Variants in STK40 observed in about 807,000 individuals in gnomAD.
STK40 encodes the protein serine/threonine kinase 40, also known as serine/threonine-protein kinase 40.
In STK40, 13 loss-of-function variants were observed where a neutral mutation model predicts 47.9. That is an observed-to-expected ratio of 0.27 (90% CI 0.18 to 0.43). The LOEUF (loss-of-function observed/expected upper bound fraction) is 0.43, where lower values mean the gene tolerates loss of function less well. Among genes scored for constraint, STK40 ranks in the 20% least tolerant of loss-of-function variants. The probability of loss-of-function intolerance (pLI) is 1.00; values close to 1 mark genes in which losing one functional copy is unlikely to be tolerated. For synonymous variants in STK40, 225 were observed against 243.2 expected (o/e 0.93, Z 0.69); for missense variants, 460 against 595.1 (o/e 0.77, Z 2.36).
At position 36,339,814 on chromosome 1, in the gene STK40, CA is replaced by C. The variant is rs1224776501; in HGVS notation, c.*1940del. On this transcript the variant is annotated 3_prime_UTR_variant, in exon 11 of 11. Coordinates refer to ENST00000373132, the MANE Select transcript of STK40 (RefSeq NM_001282547.2). ...TTGCTTCACCAGGAATGTCATCAGA[CA>C]CATGGCTTGACCTTGGAAGGGCCCA... 1 of 152,730 alleles carries C rather than the reference CA, an allele frequency of 6.5e-6. No individual in the cohort carries two copies. The highest frequency in any genetic ancestry group is 2.4e-5 in the African/African-American group (1 of 41,472). The allele number at this position is 152,730 out of a possible 1,614,324, so 9.5% of individuals were successfully genotyped here. A position where few individuals can be genotyped will look rare whatever the true frequency, so the allele number is the denominator to read the frequency against.
intron 1 of STK40, among the ~76,000 whole-genome samples, chr1:36,372,126 C>A (rs1646953591): frequency 6.6e-6 from 1 of 152,088 alleles, no homozygotes; most frequent in Non-Finnish European, 1.5e-5. Context: ...ATGTGGAGGG[C>A]TGGTACATAA....
chr1:36,353,598 C>T (rs1646777865), intron 6 of STK40, among the ~76,000 whole-genome samples: 1 of 152,210 alleles, frequency 6.6e-6, no homozygotes, highest in African/African-American at 2.4e-5. Context: ...CATCCCTCTC[C>T]AGGAGGCCCT....
At chr1:36,347,295 T>C (rs1371541177) in intron 7 of STK40, among the ~76,000 whole-genome samples, 1 of 152,126 alleles carries the variant, frequency 6.6e-6, no homozygotes, top group Admixed American at 6.5e-5. Context: ...AAGTTCTCCA[T>C]GTTGGAGGGA....
chr1:36,340,755 T>C lies in STK40; in HGVS notation c.*1000A>G, dbSNP rs1646638692. The stretch of plus-strand genomic sequence containing the variant: ...TCTACCGGGAGAGTCACCACATCTA[T>C]TATGAGGCAAGGGCACTGGGATATG... On this transcript the variant is annotated 3_prime_UTR_variant, in exon 11 of 11. Transcript: ENST00000373132. The C allele has an allele frequency of 6.6e-6, 1 of 152,264 alleles. No individual in the cohort carries two copies. Among genetic ancestry groups the C allele is most frequent in the Non-Finnish European group, 1.5e-5 (1 of 68,058 alleles). The allele number at this position is 152,264 out of a possible 1,614,324, so 9.4% of individuals were successfully genotyped here.
intron 1 of STK40, among the ~76,000 whole-genome samples, chr1:36,364,794 T>TA (rs1646887395): frequency 6.6e-6 from 1 of 152,060 alleles, no homozygotes; most frequent in South Asian, 2.1e-4. Context: ...CCCATCTCAA[T>TA]AAAATTAATA....
At chr1:36,367,564 G>A (rs556024263) in intron 1 of STK40, among the ~76,000 whole-genome samples, 8 of 152,310 alleles carry the variant, frequency 5.3e-5, no homozygotes, top group East Asian at 3.9e-4. Context: ...GAAGATGCCC[G>A]GAGTCCAGTG....
At chr1:36,365,290 G>GTT (rs1395484017) in intron 1 of STK40, among the ~76,000 whole-genome samples, 4 of 152,162 alleles carry the variant, frequency 2.6e-5, no homozygotes, top group Non-Finnish European at 5.9e-5. Flanking sequence ...CGCCCGGCCT[G>GTT]TTTTGGCCCT....
At chr1:36,355,628 T>C (rs1646797154) in intron 4 of STK40, among the ~76,000 whole-genome samples, 195 bp from the exon 5 acceptor site, 1 of 152,182 alleles carries the variant, frequency 6.6e-6, no homozygotes, top group African/African-American at 2.4e-5. Context: ...CAGCCTCTTG[T>C]GTGCCAAATG....
chr1:36,374,145 T>C (rs940969842), intron 1 of STK40, among the ~76,000 whole-genome samples: 2 of 152,276 alleles, frequency 1.3e-5, no homozygotes, highest in African/African-American at 4.8e-5. Flanking sequence ...GACCTAGCTC[T>C]AGTCTCCTCC....
chr1:36,358,352 C>T lies in STK40; in HGVS notation c.229G>A (p.Gly77Ser). ...ILTLEERGDQ[G>S]IESQEERQGK... Reference sequence around the variant, plus strand: ...TGCCGCTCTTCCTGGCTCTCTATGCCTTGGTCCCCCCTCTCCTCCAGGGTC... The same window carrying T: ...TGCCGCTCTTCCTGGCTCTCTATGCTTTGGTCCCCCCTCTCCTCCAGGGTC... Residue 77 changes from glycine to serine, a missense_variant, in exon 4 of 11, where the codon GGC becomes AGC. Gly to Ser is a moderately conservative substitution (Grantham distance 56, BLOSUM62 0). Transcript: ENST00000373132. 1 of 1,607,412 alleles carries T rather than the reference C, an allele frequency of 6.2e-7. No individual in the cohort carries two copies.
At chr1:36,375,978 C>T (rs929531135) in intron 1 of STK40, among the ~76,000 whole-genome samples, 10 of 151,510 alleles carry the variant, frequency 6.6e-5, no homozygotes, top group Middle Eastern at 3.2e-3. Flanking sequence ...GCTGAGATCG[C>T]GCCATTGCAC....
intron 3 of STK40, 77 bp downstream of exon 3, chr1:36,358,660 G>T: frequency 6.7e-7 from 1 of 1,484,932 alleles, no homozygotes; most frequent in Non-Finnish European, 9.4e-7. Context: ...ACGCAGGTGT[G>T]AAGGTGGAGG....
At position 36,339,947 on chromosome 1, in the gene STK40, G is replaced by C. The variant is rs528444435; in HGVS notation, c.*1808C>G. 1 of 152,354 alleles carries C rather than the reference G, an allele frequency of 6.6e-6. No homozygotes were observed. The highest frequency in any genetic ancestry group is 6.5e-5 in the Admixed American group (1 of 15,290). 9.4% of individuals were successfully genotyped at this position (152,354 alleles called of 1,614,324 possible). A position where few individuals can be genotyped will look rare whatever the true frequency, so the allele number is the denominator to read the frequency against. ...AGGGACCCGGTGGGCTGCTGAGAGG[G>C]GGCTCCGCTGCGACGGGCCCTGGCC... On this transcript the variant is annotated 3_prime_UTR_variant, in exon 11 of 11. Coordinates refer to ENST00000373132, the MANE Select transcript of STK40 (RefSeq NM_001282547.2).
chr1:36,354,477 C>T (rs984261868), intron 5 of STK40, 61 bp from the exon 6 acceptor site: 3 of 1,575,460 alleles, frequency 1.9e-6, no homozygotes, highest in Admixed American at 3.3e-5. Flanking sequence ...CAGGGCCCAC[C>T]CTGTAAGATG....
chr1:36,385,356 G>A (rs1169418074), intron 1 of STK40, among the ~76,000 whole-genome samples: 4 of 152,200 alleles, frequency 2.6e-5, no homozygotes, highest in African/African-American at 9.6e-5. Flanking sequence ...AGTCACCCTC[G>A]GGATTAGGAG....
At chr1:36,384,322 G>A (rs995891949) in intron 1 of STK40, among the ~76,000 whole-genome samples, 14 of 152,184 alleles carry the variant, frequency 9.2e-5, no homozygotes, top group Admixed American at 5.2e-4. Context: ...GAGCCACGGC[G>A]CCCAGCCACT....
At chr1:36,348,958 C>A (rs1646728087) in intron 6 of STK40, 143 bp from the exon 7 acceptor site, 4 of 709,156 alleles carry the variant, frequency 5.6e-6, no homozygotes, top group Non-Finnish European at 9.8e-6. Context: ...AAGCAGCTGC[C>A]CCGACCCCCT....
chr1:36,341,051 ACTG>A lies in STK40; in HGVS notation c.*701_*703del, dbSNP rs1174468347. On this transcript the variant is annotated 3_prime_UTR_variant, in exon 11 of 11. Transcript: ENST00000373132. The stretch of plus-strand genomic sequence containing the variant: ...ACTGGTGGGCTGAAAGGGGACAGGG[ACTG>A]GCAGGAGGGGCTTCCCTGCCTGGGG... 4 of 152,340 alleles carry A rather than the reference ACTG, an allele frequency of 2.6e-5. No homozygotes were observed. Among genetic ancestry groups the A allele is most frequent in the African/African-American group, 9.7e-5 (4 of 41,378 alleles). The allele number at this position is 152,340 out of a possible 1,614,324, so 9.4% of individuals were successfully genotyped here. A position where few individuals can be genotyped will look rare whatever the true frequency, so the allele number is the denominator to read the frequency against.
At chr1:36,355,473 T>G in intron 4 of STK40, 40 bp from the exon 5 acceptor site, 1 of 1,606,616 alleles carries the variant, frequency 6.2e-7, no homozygotes, top group Non-Finnish European at 8.5e-7. Context: ...GGCTGTGAAC[T>G]TGGCAGGGCC....
Sources: allele counts gnomAD v4.1 joint callset (sites outside exome capture counted in the v4.1 genomes callset), GRCh38; gene constraint gnomAD v4.1.1; transcripts MANE v1.5; gene names NCBI Gene and HGNC (gene_info 2026-07-23, HGNC 2026-07-21).